TENM2: variants seen among roughly 807,000 people sequenced by gnomAD.
TENM2 encodes the protein teneurin transmembrane protein 2, also known as teneurin-2.
In TENM2, 52 loss-of-function variants were observed where a neutral mutation model predicts 245.2. The observed-to-expected ratio is 0.21, with a 90% CI of 0.17 to 0.27. TENM2 has a LOEUF of 0.27. Among genes scored for constraint, TENM2 ranks in the 10% least tolerant of loss-of-function variants. TENM2 has a pLI of 1.00. For missense variants in TENM2, 3,046 were observed against 3,666.8 expected (o/e 0.83, Z 4.37); for synonymous variants, 1,363 against 1,438.9 (o/e 0.95, Z 1.19).
the TENM2 span, among the ~76,000 whole-genome samples, chr5:167,191,927 A>G: frequency 6.6e-6 from 1 of 152,030 alleles, no homozygotes; most frequent in Non-Finnish European, 1.5e-5. Context: ...AGGGAAGGTG[A>G]TCTTGCTGGT....
At position 167,766,810 on chromosome 5, in the gene TENM2, C is replaced by T. The variant is rs553706030; in HGVS notation, c.503-109176C>T. On this transcript the variant is annotated intron_variant, in intron 2 of 28. Coordinates refer to ENST00000518659, the Ensembl canonical transcript of TENM2. ...AGGAGAATCGGTTGAACCTGGGAGG[C>T]GAAGGTTGCAGTGAGCCAAGATCGT... is the stretch of plus-strand genomic sequence containing the variant. Among the ~76,000 whole-genome samples, 230 of 151,924 alleles carry T rather than the reference C, an allele frequency of 1.5e-3. 2 individuals are homozygous for T. Among genetic ancestry groups the T allele is most frequent in the African/African-American group, 5.1e-3 (213 of 41,418 alleles).
intron 1 of TENM2, among the ~76,000 whole-genome samples, chr5:167,293,976 C>CTGTG (rs55869331): frequency 0.61 from 90,026 of 148,556 alleles, 28,214 homozygotes; most frequent in Middle Eastern, 0.75. Flanking sequence ...GATGTGAGTT[C>CTGTG]TGTGTGTGTG....
chr5:168,035,496 CA>C (rs397949588), intron 5 of TENM2, among the ~76,000 whole-genome samples: 2,716 of 69,260 alleles, frequency 0.039, 28 homozygotes, highest in Middle Eastern at 0.081. Context: ...GACCCTGTCT[CA>C]AAAAAAAAAA....
chr5:167,872,927 G>C (rs1223352693), intron 2 of TENM2, among the ~76,000 whole-genome samples: 1 of 152,252 alleles, frequency 6.6e-6, no homozygotes, highest in Non-Finnish European at 1.5e-5. Flanking sequence ...AATTGCACTT[G>C]AACTTCAGTT....
chr5:167,673,305 A>G (rs1410101782), intron 2 of TENM2, among the ~76,000 whole-genome samples: 2 of 152,116 alleles, frequency 1.3e-5, no homozygotes, highest in Non-Finnish European at 2.9e-5. Flanking sequence ...TAATCATAAC[A>G]ATAATAAAAT....
intron 2 of TENM2, among the ~76,000 whole-genome samples, chr5:167,402,785 T>C (rs1038187653): frequency 2.0e-5 from 3 of 152,140 alleles, no homozygotes; most frequent in Non-Finnish European, 4.4e-5. Context: ...AACTGCTCTG[T>C]AGCTTAACAA....
intron 3 of TENM2, among the ~76,000 whole-genome samples, chr5:167,906,690 C>A (rs1301480569): frequency 1.3e-5 from 2 of 152,108 alleles, no homozygotes; most frequent in Non-Finnish European, 1.5e-5. Context: ...GCGCCATTCA[C>A]GTTGTTTTTT....
At chr5:167,590,715 G>A (rs773419592) in intron 2 of TENM2, among the ~76,000 whole-genome samples, 40 of 152,008 alleles carry the variant, frequency 2.6e-4, no homozygotes, top group Non-Finnish European at 4.4e-4. Context: ...ATTTGGTAAG[G>A]TATTTTTTTA....
chr5:167,226,832 G>C, the TENM2 span, among the ~76,000 whole-genome samples: 1 of 151,836 alleles, frequency 6.6e-6, no homozygotes, highest in Non-Finnish European at 1.5e-5. Flanking sequence ...TTTAGATCTA[G>C]TGACATTTGT....
chr5:167,571,732 TC>T (rs1392327271), intron 2 of TENM2, among the ~76,000 whole-genome samples: 1 of 152,186 alleles, frequency 6.6e-6, no homozygotes, highest in Non-Finnish European at 1.5e-5. Flanking sequence ...TCGGGCCCCT[TC>T]CCCTGTTTTT....
At position 167,594,823 on chromosome 5, in the gene TENM2, C is replaced by A. The variant is rs141376452; in HGVS notation, c.502+219350C>A. Among the ~76,000 whole-genome samples, 114 of 152,252 alleles carry A rather than the reference C, an allele frequency of 7.5e-4. 1 individual carries two copies. Among genetic ancestry groups the A allele is most frequent in the African/African-American group, 2.6e-3 (109 of 41,552 alleles). On this transcript the variant is annotated intron_variant, in intron 2 of 28. Transcript: ENST00000518659. ...AGATGACTAAGAGGAAAATCTGATC[C>A]GTTCACTTATGCCACACTATTTTTG...
At chr5:167,929,077 GA>G (rs1453501114) in intron 3 of TENM2, among the ~76,000 whole-genome samples, 1 of 56,792 alleles carries the variant, frequency 1.8e-5, no homozygotes, top group Non-Finnish European at 3.3e-5. Context: ...AAGAAAGAAA[GA>G]AAGAAAGAAA....
chr5:167,938,257 C>T (rs1778888717), intron 3 of TENM2, among the ~76,000 whole-genome samples: 3 of 152,122 alleles, frequency 2.0e-5, no homozygotes, highest in Non-Finnish European at 1.5e-5. Flanking sequence ...AAAACCTGCA[C>T]ATTGAGATGT....
At chr5:167,463,624 G>A (rs930451241) in intron 2 of TENM2, among the ~76,000 whole-genome samples, 12 of 151,654 alleles carry the variant, frequency 7.9e-5, no homozygotes, top group African/African-American at 2.9e-4. Context: ...TCAGCCTCCC[G>A]AGTAGCTGGG....
the TENM2 span, among the ~76,000 whole-genome samples, chr5:167,073,098 G>A: frequency 6.6e-6 from 1 of 152,166 alleles, no homozygotes; most frequent in Non-Finnish European, 1.5e-5. Flanking sequence ...TATTCTTTAA[G>A]AGATAAGGTG....
intron 19 of TENM2, among the ~76,000 whole-genome samples, chr5:168,207,327 G>A (rs1171691697): frequency 2.6e-5 from 4 of 152,110 alleles, no homozygotes; most frequent in Non-Finnish European, 5.9e-5. Context: ...CTGGTTCCAC[G>A]TCTCTCGAGT....
intron 13 of TENM2, chr5:168,165,936 T>G (rs1480026945): frequency 1.3e-5 from 2 of 152,114 alleles, no homozygotes; most frequent in African/African-American, 4.8e-5. Flanking sequence ...ACTGAGTTCT[T>G]TTTTTGGAGG....
At chr5:167,554,247 A>G (rs1639671017) in intron 2 of TENM2, among the ~76,000 whole-genome samples, 1 of 152,224 alleles carries the variant, frequency 6.6e-6, no homozygotes, top group South Asian at 2.1e-4. Flanking sequence ...TGAAGTAAGG[A>G]AGGTTACCAT....
intron 2 of TENM2, among the ~76,000 whole-genome samples, chr5:167,807,856 C>G (rs1264118279): frequency 6.6e-6 from 1 of 152,078 alleles, no homozygotes; most frequent in Non-Finnish European, 1.5e-5. Flanking sequence ...AATCCTGATG[C>G]CCAGGTCACA....
Sources: allele counts gnomAD v4.1 joint callset (sites outside exome capture counted in the v4.1 genomes callset), GRCh38; gene constraint gnomAD v4.1.1; transcripts MANE v1.5; gene names NCBI Gene and HGNC (gene_info 2026-07-23, HGNC 2026-07-21).